The following PLAT variants were observed in gnomAD, a reference collection of about 807,000 sequenced individuals.
PLAT encodes the protein plasminogen activator, tissue type.
Under a neutral mutation model 74.9 loss-of-function variants are expected in PLAT, and 48 were observed. The ratio of observed to expected loss-of-function variants is 0.64; its 90% confidence interval spans 0.51 to 0.82. The LOEUF (loss-of-function observed/expected upper bound fraction) is 0.82, where lower values mean the gene tolerates loss of function less well. Ranked by LOEUF, PLAT falls within the 40% of genes least tolerant of loss-of-function variation. PLAT has a pLI of 0.00. For missense variants in PLAT, 673 were observed against 736.2 expected (o/e 0.91, Z 0.99); for synonymous variants, 307 against 294.4 (o/e 1.04, Z -0.44).
At chr8:42,205,555 C>T (rs1054446913) in intron 1 of PLAT, among the ~76,000 whole-genome samples, 5 of 152,088 alleles carry the variant, frequency 3.3e-5, no homozygotes, top group African/African-American at 4.8e-5. Flanking sequence ...ACTGAGCCAA[C>T]TAAGGCATAA....
At position 42,182,709 on chromosome 8, in the gene PLAT, T is replaced by G. The variant is rs372282306; in HGVS notation, c.803+10A>C. 3.1e-6 allele frequency: 5 copies of G among 1,595,114 alleles called. No homozygotes were observed. The highest frequency in any genetic ancestry group is 4.3e-6 in the Non-Finnish European group (5 of 1,170,126). On this transcript the variant is annotated intron_variant, in intron 8 of 13. Coordinates refer to ENST00000220809, the MANE Select transcript of PLAT (RefSeq NM_000930.5). Reference sequence around the variant, plus strand: ...CCAAGACCTGAACCCCCCACCCCTGTGCTACCTACCGGCAGTAATTATGTT... The same window carrying G: ...CCAAGACCTGAACCCCCCACCCCTGGGCTACCTACCGGCAGTAATTATGTT...
At chr8:42,187,850 G>T (rs540522116) in intron 5 of PLAT, 56 bp downstream of exon 5, 21 of 1,195,358 alleles carry the variant, frequency 1.8e-5, no homozygotes, top group African/African-American at 3.0e-5. Flanking sequence ...TTCCGGGGGC[G>T]GGGGAGACTG....
At chr8:42,187,295 T>C in intron 6 of PLAT, 103 bp downstream of exon 6, 4 of 919,036 alleles carry the variant, frequency 4.4e-6, no homozygotes, top group Non-Finnish European at 6.5e-6. Context: ...CCATCCTGTA[T>C]TGGTTATGTT....
chr8:42,178,010 C>G (rs1289814018), intron 13 of PLAT, among the ~76,000 whole-genome samples: 1 of 152,238 alleles, frequency 6.6e-6, no homozygotes, highest in African/African-American at 2.4e-5. Context: ...GGTCTTAATA[C>G]CAGCAGGCTG....
rs752725133 is a variant in PLAT, at chr8:42,185,056, G to A, written c.631+25C>T. 6.6e-6 allele frequency: 10 copies of A among 1,519,712 alleles called. No individual in the cohort carries two copies. In the Admixed American group the frequency reaches 1.7e-4, roughly 26 times the overall value. 94.1% of individuals were successfully genotyped at this position (1,519,712 alleles called of 1,614,324 possible). ...CTTTCCTCCCCCAGGGACATTCAGG[G>A]AAAGGCGGGGTGGCTGCCACTTACC... On this transcript the variant is annotated intron_variant, in intron 7 of 13. Coordinates refer to ENST00000220809, the MANE Select transcript of PLAT (RefSeq NM_000930.5).
chr8:42,189,674 C>T (rs1417171675), intron 3 of PLAT, among the ~76,000 whole-genome samples: 1 of 151,434 alleles, frequency 6.6e-6, no homozygotes, highest in Non-Finnish European at 1.5e-5. Flanking sequence ...TCTCGGCTCA[C>T]TGCAACCTCC....
intron 1 of PLAT, among the ~76,000 whole-genome samples, chr8:42,203,280 C>T (rs371979593): frequency 8.5e-5 from 13 of 152,310 alleles, no homozygotes; most frequent in African/African-American, 3.1e-4. Context: ...TTCCCTAAGC[C>T]ACCAGTGCGT....
At chr8:42,203,992 T>TATATATATATATATACACACAC (rs1554499838) in intron 1 of PLAT, among the ~76,000 whole-genome samples, 7 of 109,866 alleles carry the variant, frequency 6.4e-5, no homozygotes, top group African/African-American at 3.6e-4. Flanking sequence ...TATATATATA[T>TATATATATATATATACACACAC]ACACACACAC....
chr8:42,176,860 C>G (rs2129682261), intron 13 of PLAT, among the ~76,000 whole-genome samples: 1 of 152,256 alleles, frequency 6.6e-6, no homozygotes, highest in South Asian at 2.1e-4. Context: ...TTGTATAGCT[C>G]ACATTTATTT....
chr8:42,175,818 C>A lies in PLAT; in HGVS notation c.*175G>T, dbSNP rs1804945980. On this transcript the variant is annotated 3_prime_UTR_variant, in exon 14 of 14. Transcript: ENST00000220809. ...AAATCAGACCAAGTCCTGAAAACTT[C>A]CAAAATGGGAAGTATCTGGGAAAAT... The A allele has an allele frequency of 1.2e-5, 7 of 599,244 alleles. No individual in the cohort carries two copies. Among genetic ancestry groups the A allele is most frequent in the Non-Finnish European group, 2.1e-5 (7 of 339,774 alleles). The allele number at this position is 599,244 out of a possible 1,614,324, so 37.1% of individuals were successfully genotyped here. A position where few individuals can be genotyped will look rare whatever the true frequency, so the allele number is the denominator to read the frequency against.
intron 1 of PLAT, among the ~76,000 whole-genome samples, chr8:42,197,736 C>A (rs1403476968): frequency 6.6e-6 from 1 of 152,154 alleles, no homozygotes; most frequent in Non-Finnish European, 1.5e-5. Context: ...CCTCTACCGG[C>A]CCCATCTTCC....
Position 42,180,526 on chromosome 8 carries a change from C to T in PLAT, c.1049G>A (p.Cys350Tyr), listed in dbSNP as rs536873409. The T allele has an allele frequency of 9.9e-6, 16 of 1,614,158 alleles. No homozygotes were observed. The South Asian group carries it at 1.6e-4, about 17-fold the overall frequency. ...GCAGTGGGCGGCAGAGAGAATCCAG[C>T]AGGAGCTGATGAGTATGCCCCCGCA... The part of the protein sequence containing the change: ...FLCGGILISS[C>Y]WILSAAHCFQ... The change falls in exon 10 of 14, where the codon TGC (cysteine) becomes TAC (tyrosine). Residue 350 changes from cysteine (C) to tyrosine (Y), a missense_variant. Cys to Tyr is a radical substitution (Grantham distance 194). Transcript: ENST00000220809.
intron 1 of PLAT, among the ~76,000 whole-genome samples, chr8:42,205,207 T>C (rs894730365): frequency 6.6e-6 from 1 of 152,156 alleles, no homozygotes; most frequent in African/African-American, 2.4e-5. Context: ...ATCTGATTGC[T>C]TCCTCTGCCC....
intron 12 of PLAT, 127 bp downstream of exon 12, chr8:42,179,796 AGAC>A (rs1411794367): frequency 2.2e-6 from 2 of 900,768 alleles, no homozygotes; most frequent in Non-Finnish European, 3.3e-6. Flanking sequence ...CGACACAGGG[AGAC>A]GGGACTGGCG....
intron 12 of PLAT, 26 bp from the exon 13 acceptor site, chr8:42,179,089 T>C: frequency 6.4e-7 from 1 of 1,558,806 alleles, no homozygotes; most frequent in Non-Finnish European, 8.7e-7. Context: ...CATCATATGG[T>C]TTTAGGGAAA....
intron 1 of PLAT, among the ~76,000 whole-genome samples, chr8:42,199,201 G>A (rs1441280050): frequency 6.6e-6 from 1 of 152,156 alleles, no homozygotes; most frequent in Non-Finnish European, 1.5e-5. Context: ...ATTTTCTATA[G>A]GCTAAATGGT....
At position 42,187,481 on chromosome 8, in the gene PLAT, G is replaced by A. The variant is rs757621967; in HGVS notation, c.456C>T (p.Asn152=). 1.2e-6 allele frequency: 2 copies of A among 1,610,220 alleles called. No individual in the cohort carries two copies. The highest frequency in any genetic ancestry group is 2.2e-5 in the South Asian group (2 of 91,060). Residue 152 remains asparagine (N), a synonymous_variant, in exon 6 of 14, where the codon AAC becomes AAT. Coordinates refer to ENST00000220809, the MANE Select transcript of PLAT (RefSeq NM_000930.5). ...AGGGCTTCTGGGCCAACGCGCTGCT[G>A]TTCCAGTTGGTGCACTCGGCGCCAC... The part of the protein sequence containing the change: ...AESGAECTNW[N]SSALAQKPYS...
Position 42,182,784 on chromosome 8 carries a change from G to C in PLAT, c.738C>G (p.Gly246=). ...TGGGGTTCTGTGCTGTGTAAACCTT[G>C]CCTATCAGGATCATGGAATTCCACG... ...CLPWNSMILI[G]KVYTAQNPSA... is the part of the protein sequence containing the mutation. Residue 246 remains glycine, a synonymous_variant, in exon 8 of 14, where the codon GGC becomes GGG. Coordinates refer to ENST00000220809, the MANE Select transcript of PLAT (RefSeq NM_000930.5). 1 of 1,613,744 alleles carries C rather than the reference G, an allele frequency of 6.2e-7. No individual in the cohort carries two copies. Among genetic ancestry groups the C allele is most frequent in the East Asian group, 2.2e-5 (1 of 44,854 alleles).
At chr8:42,192,002 C>CTTTTTTT (rs1177070988) in intron 2 of PLAT, among the ~76,000 whole-genome samples, 5 of 127,172 alleles carry the variant, frequency 3.9e-5, no homozygotes, top group Admixed American at 8.1e-5. Context: ...TTGCCTTTTT[C>CTTTTTTT]TTTTTTTTTT....
Sources: allele counts gnomAD v4.1 joint callset (sites outside exome capture counted in the v4.1 genomes callset), GRCh38; gene constraint gnomAD v4.1.1; transcripts MANE v1.5; gene names NCBI Gene and HGNC (gene_info 2026-07-23, HGNC 2026-07-21).